ANO3: variants seen among roughly 807,000 people sequenced by gnomAD.
The protein encoded by ANO3 is anoctamin-3.
ANO3 carries 99 observed loss-of-function variants against 144.8 expected under a neutral mutation model. The observed-to-expected ratio is 0.68, with a 90% CI of 0.58 to 0.81. ANO3 has a LOEUF of 0.81. ANO3 is among the 30% of genes least tolerant of loss of function. The pLI, the probability that ANO3 is intolerant of heterozygous loss-of-function variation, is 0.00. For missense variants in ANO3, 905 were observed against 1,202.2 expected (o/e 0.75, Z 3.66); for synonymous variants, 414 against 392.6 (o/e 1.05, Z -0.64).
intron 3 of ANO3, among the ~76,000 whole-genome samples, chr11:26,446,158 G>A (rs1469191674): frequency 5.9e-5 from 9 of 152,120 alleles, no homozygotes; most frequent in Admixed American, 6.5e-5. Flanking sequence ...AAAAGAAGAC[G>A]CCCGGCCTAA....
intron 14 of ANO3, among the ~76,000 whole-genome samples, chr11:26,581,366 T>C (rs1222359207): frequency 1.3e-5 from 2 of 148,906 alleles, no homozygotes; most frequent in Non-Finnish European, 3.0e-5. Flanking sequence ...TAGGATTAAA[T>C]TATTGACTCT....
chr11:26,438,480 C>T (rs540592834), intron 1 of ANO3, among the ~76,000 whole-genome samples: 66 of 150,510 alleles, frequency 4.4e-4, no homozygotes, highest in Non-Finnish European at 8.7e-4. Flanking sequence ...GGTGCAGTGG[C>T]TCATGCCTAT....
At chr11:26,536,778 A>G (rs113072895) in intron 9 of ANO3, among the ~76,000 whole-genome samples, 2,910 of 152,246 alleles carry the variant, frequency 0.019, 41 homozygotes, top group African/African-American at 0.045. Flanking sequence ...TAAATGATTT[A>G]TCAGTTTTGG....
intron 10 of ANO3, 34 bp downstream of exon 10, chr11:26,537,495 A>G: frequency 6.4e-7 from 1 of 1,563,428 alleles, no homozygotes; most frequent in Non-Finnish European, 8.8e-7. Context: ...CTTTATAAAC[A>G]AGGTTTTCAT....
chr11:26,387,175 T>C (rs7935941), intron 1 of ANO3, among the ~76,000 whole-genome samples: 29,533 of 147,316 alleles, frequency 0.2, 3,142 homozygotes, highest in South Asian at 0.3. Context: ...GGTTTCACCA[T>C]GTTGGCCAGG....
intron 1 of ANO3, among the ~76,000 whole-genome samples, chr11:26,394,818 C>T (rs575630523): frequency 6.6e-5 from 10 of 152,018 alleles, no homozygotes; most frequent in African/African-American, 9.6e-5. Context: ...TAAGGTGATC[C>T]GCCCACCTCA....
At chr11:26,212,767 C>T in intron 1 of ANO3, among the ~76,000 whole-genome samples, 1 of 151,962 alleles carries the variant, frequency 6.6e-6, no homozygotes, top group East Asian at 1.9e-4. Context: ...AGAGGGACTC[C>T]TCCCTCTTTT....
At chr11:26,438,611 A>AAAAAAAAAAAAG (rs1858389526) in intron 1 of ANO3, among the ~76,000 whole-genome samples, 6 of 35,512 alleles carry the variant, frequency 1.7e-4, no homozygotes, top group Non-Finnish European at 3.5e-4. Flanking sequence ...AAAAAAAAGA[A>AAAAAAAAAAAAG]AAAAAAAAAA....
chr11:26,408,108 G>A (rs947627399), intron 1 of ANO3, among the ~76,000 whole-genome samples: 14 of 151,914 alleles, frequency 9.2e-5, no homozygotes, highest in African/African-American at 2.9e-4. Flanking sequence ...GGCAACAAAA[G>A]CCAAAATTGA....
chr11:26,442,848 C>T (rs1343254370), intron 2 of ANO3, among the ~76,000 whole-genome samples: 1 of 152,132 alleles, frequency 6.6e-6, no homozygotes, highest in Non-Finnish European at 1.5e-5. Context: ...CTCACTGTAA[C>T]GTCTGCCTCC....
At chr11:26,636,123 C>T (rs573424123) in intron 20 of ANO3, among the ~76,000 whole-genome samples, 1 of 152,058 alleles carries the variant, frequency 6.6e-6, no homozygotes, top group African/African-American at 2.4e-5. Flanking sequence ...TCCCTTGAGC[C>T]CAGGAGTTCG....
intron 14 of ANO3, chr11:26,565,300 G>A: frequency 6.2e-7 from 1 of 1,609,370 alleles, no homozygotes; most frequent in Non-Finnish European, 8.5e-7. Flanking sequence ...CATCCACTTG[G>A]TTCCACTATC....
chr11:26,595,779 C>T (rs1851608564), intron 14 of ANO3, among the ~76,000 whole-genome samples: 1 of 152,200 alleles, frequency 6.6e-6, no homozygotes, highest in Non-Finnish European at 1.5e-5. Context: ...CTTTTTCTAA[C>T]AGAATAGCCG....
chr11:26,335,286 G>A (rs1198289425), intron 1 of ANO3, among the ~76,000 whole-genome samples: 1 of 152,134 alleles, frequency 6.6e-6, no homozygotes, highest in Non-Finnish European at 1.5e-5. Flanking sequence ...CACAGTTGGG[G>A]CTCAAAAAAT....
At position 26,660,450 on chromosome 11, in the gene ANO3, A is replaced by G. The variant is rs1853844870; in HGVS notation, c.*6A>G. 6.2e-7 allele frequency: 1 copy of G among 1,608,498 alleles called. No individual in the cohort carries two copies. The highest frequency in any genetic ancestry group is 8.5e-7 in the Non-Finnish European group (1 of 1,177,724). On this transcript the variant is annotated 3_prime_UTR_variant, in exon 27 of 27. Transcript: ENST00000256737. ...TTCACCATGAATGGCCTTAGTTGAC[A>G]CCTGTTACCCATTAGGGGTGATAAC...
At chr11:26,590,536 C>T (rs778318512) in intron 14 of ANO3, among the ~76,000 whole-genome samples, 2 of 152,130 alleles carry the variant, frequency 1.3e-5, no homozygotes, top group Non-Finnish European at 2.9e-5. Context: ...TGTTCTCTGA[C>T]CTGGGGTTCT....
chr11:26,420,702 A>G (rs929337228), intron 1 of ANO3, among the ~76,000 whole-genome samples: 2 of 151,962 alleles, frequency 1.3e-5, no homozygotes, highest in African/African-American at 2.4e-5. Flanking sequence ...CCTCAGAATG[A>G]TAAAGGTTTC....
At chr11:26,645,943 T>C (rs1470565850) in intron 23 of ANO3, among the ~76,000 whole-genome samples, 1 of 152,180 alleles carries the variant, frequency 6.6e-6, no homozygotes, top group Non-Finnish European at 1.5e-5. Flanking sequence ...TAGTGAGCAT[T>C]TACTATACCT....
At position 26,643,449 on chromosome 11, in the gene ANO3, G is replaced by C. The variant is rs1324237754; in HGVS notation, c.2428+115G>C. The C allele has an allele frequency of 2.3e-6, 3 of 1,323,824 alleles. No homozygotes were observed. In the Admixed American group the frequency reaches 6.9e-5, roughly 31 times the overall value. 82.0% of individuals were successfully genotyped at this position (1,323,824 alleles called of 1,614,324 possible). On this transcript the variant is annotated intron_variant, in intron 23 of 26. Coordinates refer to ENST00000256737, the MANE Select transcript of ANO3 (RefSeq NM_031418.4). The stretch of plus-strand genomic sequence containing the variant: ...TTAATTGCCAGTGTCATAGTATTAA[G>C]AGGCCTTTAAGAAGTGATTAAGCTG...
Sources: gnomAD v4.1 joint callset for allele counts (sites outside exome capture counted in the v4.1 genomes callset) on GRCh38, gnomAD v4.1.1 for gene constraint, MANE v1.5 for transcripts, NCBI Gene and HGNC (gene_info 2026-07-23, HGNC 2026-07-21) for gene names.